The following TTC13 variants were observed in gnomAD, a reference collection of about 807,000 sequenced individuals.
TTC13 encodes the protein tetratricopeptide repeat domain 13.
In TTC13, 62 loss-of-function variants were observed where a neutral mutation model predicts 120.0. That is an observed-to-expected ratio of 0.52 (90% CI 0.42 to 0.64). The LOEUF (loss-of-function observed/expected upper bound fraction) is 0.64. Among genes scored for constraint, TTC13 ranks in the 30% least tolerant of loss-of-function variants. The pLI is 0.00. For missense variants in TTC13, 824 were observed against 1,050.2 expected, an observed-to-expected ratio of 0.78 and a Z score of 2.98; for synonymous variants, 384 against 393.5, an observed-to-expected ratio of 0.98 and a Z score of 0.28.
Position 230,940,323 on chromosome 1 carries a change from C to T in TTC13, c.789+117G>A, listed in dbSNP as rs893955928. ...GAAAATGCTTTTATAACTCTTATGA[C>T]ACAGACATATTACTAAACAGTCAAA... On this transcript the variant is annotated intron_variant, in intron 7 of 22. Coordinates refer to ENST00000366661, the MANE Select transcript of TTC13 (RefSeq NM_024525.5). This position sits in a 1 kb window ranked among gnomAD's most constrained non-coding sequence, Gnocchi z 4.1. The T allele has an allele frequency of 5.2e-5, 32 of 610,138 alleles. No individual in the cohort carries two copies. The African/African-American group carries it at 5.9e-4, about 11-fold the overall frequency. 37.8% of individuals were successfully genotyped at this position (610,138 alleles called of 1,614,324 possible).
chr1:230,932,316 C>A (rs1439541227), intron 9 of TTC13, among the ~76,000 whole-genome samples: 1 of 148,390 alleles, frequency 6.7e-6, no homozygotes, highest in Non-Finnish European at 1.5e-5. Context: ...TTTTTGGTCA[C>A]CAAAGTTGCT....
chr1:230,947,164 A>G (rs1461971341), intron 4 of TTC13, among the ~76,000 whole-genome samples: 2 of 152,124 alleles, frequency 1.3e-5, no homozygotes, highest in African/African-American at 4.8e-5. Context: ...AAAAGCACCA[A>G]GCAGAAAGTA....
At chr1:230,928,136 C>T (rs769194858) in intron 12 of TTC13, among the ~76,000 whole-genome samples, 8 of 152,086 alleles carry the variant, frequency 5.3e-5, no homozygotes, top group Non-Finnish European at 1.0e-4. Flanking sequence ...GTCCTTTGTT[C>T]TTCAATACAT....
At chr1:230,929,350 T>C (rs1456357893) in intron 11 of TTC13, among the ~76,000 whole-genome samples, 1 of 149,356 alleles carries the variant, frequency 6.7e-6, no homozygotes, top group Non-Finnish European at 1.5e-5. Context: ...GGAGTCTTGC[T>C]CCAGCCCAGG....
intron 1 of TTC13, among the ~76,000 whole-genome samples, chr1:230,975,955 A>G (rs903719723): frequency 3.9e-5 from 6 of 152,200 alleles, no homozygotes; most frequent in African/African-American, 7.2e-5. Flanking sequence ...CCTTGTATGT[A>G]CAATCACTGG....
chr1:230,914,455 CATGAT>C (rs1350932450), intron 18 of TTC13, among the ~76,000 whole-genome samples: 2 of 152,148 alleles, frequency 1.3e-5, no homozygotes, highest in East Asian at 3.9e-4. Flanking sequence ...AGTGCAGTGG[CATGAT>C]CTCGGCTCAC....
chr1:230,916,185 G>A lies in TTC13; in HGVS notation c.2093+8C>T, dbSNP rs557039950. On this transcript the variant is annotated splice_region_variant and intron_variant, in intron 18 of 22. Coordinates refer to ENST00000366661, the MANE Select transcript of TTC13 (RefSeq NM_024525.5). ...CTAGTTTACACCCACATTAAGAAGC[G>A]CACATACTTGTCTCCTGTAATCGTG... is the stretch of plus-strand genomic sequence containing the variant. The A allele has an allele frequency of 2.0e-5, 32 of 1,589,764 alleles. No individual in the cohort carries two copies. The highest frequency in any genetic ancestry group is 4.5e-5 in the East Asian group (2 of 44,756).
intron 1 of TTC13, among the ~76,000 whole-genome samples, chr1:230,971,687 A>C (rs915543086): frequency 6.6e-6 from 1 of 152,240 alleles, no homozygotes; most frequent in African/African-American, 2.4e-5. Context: ...GATCAAAGGT[A>C]TCTTAACCCA....
intron 8 of TTC13, chr1:230,936,045 G>T (rs1674021107): frequency 5.3e-6 from 2 of 377,196 alleles, no homozygotes; most frequent in South Asian, 4.0e-5. Context: ...GGCAGCTGCA[G>T]GTGGGGATGG....
At chr1:230,953,506 T>C (rs1675776546) in intron 4 of TTC13, among the ~76,000 whole-genome samples, 1 of 152,180 alleles carries the variant, frequency 6.6e-6, no homozygotes, top group Non-Finnish European at 1.5e-5. Context: ...AGTACTTTAA[T>C]AGGACATTTC....
intron 10 of TTC13, 108 bp from the exon 11 acceptor site, chr1:230,931,580 A>G: frequency 1.4e-6 from 2 of 1,443,562 alleles, no homozygotes; most frequent in Non-Finnish European, 1.9e-6. Flanking sequence ...CAGACCTGTA[A>G]ACTAGTCTAC....
At chr1:230,920,448 A>G in intron 17 of TTC13, 62 bp downstream of exon 17, 1 of 1,183,220 alleles carries the variant, frequency 8.5e-7, no homozygotes, top group Non-Finnish European at 1.3e-6. Flanking sequence ...TCTTTTTAAA[A>G]AAGTGCTGTT....
chr1:230,913,022 C>T (rs1045942878), intron 18 of TTC13, among the ~76,000 whole-genome samples: 2 of 152,154 alleles, frequency 1.3e-5, no homozygotes, highest in South Asian at 4.1e-4. Context: ...ACTTATTACA[C>T]AAACTTAAGC....
At position 230,906,486 on chromosome 1, in the gene TTC13, C is replaced by G. The variant is rs1670946329; in HGVS notation, c.*419G>C. ...AGGTTACGTGAGTCAACAAAAGATG[C>G]TCTATCACAATGTGCGTAAAAAGCA... is the stretch of plus-strand genomic sequence containing the variant. On this transcript the variant is annotated 3_prime_UTR_variant, in exon 23 of 23. Coordinates refer to ENST00000366661, the MANE Select transcript of TTC13 (RefSeq NM_024525.5). 1.3e-5 allele frequency: 2 copies of G among 152,450 alleles called. No homozygotes were observed. Among genetic ancestry groups the G allele is most frequent in the African/African-American group, 4.8e-5 (2 of 41,440 alleles). The allele number at this position is 152,450 out of a possible 1,614,324, so 9.4% of individuals were successfully genotyped here.
At position 230,956,976 on chromosome 1, in the gene TTC13, A is replaced by G. The variant is rs1372326004; in HGVS notation, c.442+1248T>C. Among the ~76,000 whole-genome samples, 4 of 152,210 alleles carry G rather than the reference A, an allele frequency of 2.6e-5. No homozygotes were observed. The East Asian group carries it at 7.7e-4, about 29-fold the overall frequency. On this transcript the variant is annotated intron_variant, in intron 3 of 22. Transcript: ENST00000366661. ...GATACAAAAGATCATAGGCCAGCTC[A>G]GGGCCTACACTACCCCAGGGTCTAC...
At chr1:230,943,726 A>G in intron 6 of TTC13, 80 bp downstream of exon 6, 13 of 1,178,520 alleles carry the variant, frequency 1.1e-5, no homozygotes, top group Non-Finnish European at 1.4e-5. Context: ...ATTAAAATTT[A>G]CAAATAATAA....
rs143159895 is a variant in TTC13, at chr1:230,923,855, G to A, written c.1800C>T (p.His600=). Residue 600 remains histidine, a synonymous_variant, in exon 15 of 23, where the codon CAC becomes CAT. Coordinates refer to ENST00000366661, the MANE Select transcript of TTC13 (RefSeq NM_024525.5). The stretch of plus-strand genomic sequence containing the variant: ...AAGGTTCGTACCTGATTAAATTAAT[G>A]TGGTTGTTAAAACCTCTGCTAAGAC... ...ARSLSRGFNN[H]INLIRGQVIN... The A allele has an allele frequency of 8.1e-6, 13 of 1,613,624 alleles. No homozygotes were observed. The highest frequency in any genetic ancestry group is 1.3e-5 in the African/African-American group (1 of 75,046).
At position 230,944,802 on chromosome 1, in the gene TTC13, C is replaced by T. The variant is rs1454027260; in HGVS notation, c.579+587G>A. 6.6e-6 allele frequency among the ~76,000 whole-genome samples: 1 copy of T among 152,020 alleles called. No homozygotes were observed. Among genetic ancestry groups the T allele is most frequent in the Admixed American group, 6.6e-5 (1 of 15,266 alleles). ...AAAAGTTTGCATATAATGTCCTAGACTAAAAATTTGGAAAGCTGAACTTAC... is the reference window on the plus strand; with the variant it reads ...AAAAGTTTGCATATAATGTCCTAGATTAAAAATTTGGAAAGCTGAACTTAC... On this transcript the variant is annotated intron_variant, in intron 5 of 22. Transcript: ENST00000366661. The surrounding 1 kb of genome is among the most constrained non-coding windows in gnomAD (Gnocchi z 4.0).
intron 4 of TTC13, among the ~76,000 whole-genome samples, chr1:230,951,181 G>T (rs1185497372): frequency 6.6e-6 from 1 of 152,150 alleles, no homozygotes; most frequent in African/African-American, 2.4e-5. Flanking sequence ...AAAGGTATAA[G>T]AGCTTTATAT....
Sources: allele counts gnomAD v4.1 joint callset (sites outside exome capture counted in the v4.1 genomes callset), GRCh38; gene constraint gnomAD v4.1.1; non-coding constraint Gnocchi (gnomAD v3.1); transcripts MANE v1.5; gene names NCBI Gene and HGNC (gene_info 2026-07-23, HGNC 2026-07-21).